The following WDR35 variants were observed in gnomAD, a reference collection of about 807,000 sequenced individuals.
The protein encoded by WDR35 is WD repeat-containing protein 35.
Under a neutral mutation model 158.3 loss-of-function variants are expected in WDR35, and 118 were observed. The observed-to-expected ratio is 0.75, with a 90% confidence interval of 0.64 to 0.87. The LOEUF (loss-of-function observed/expected upper bound fraction) is 0.87. Ranked by LOEUF, WDR35 falls within the 40% of genes least tolerant of loss-of-function variation. The pLI is 0.00. For synonymous variants in WDR35, 448 were observed against 476.1 expected (o/e 0.94, Z 0.77); for missense variants, 1,263 against 1,405.8 (o/e 0.90, Z 1.62).
intron 25 of WDR35, 79 bp from the exon 26 acceptor site, chr2:19,914,356 A>G: frequency 6.3e-7 from 1 of 1,584,566 alleles, no homozygotes; most frequent in Non-Finnish European, 8.6e-7. Context: ...AATCTAAGTT[A>G]AGGTGATTTC....
intron 3 of WDR35, 65 bp downstream of exon 3, chr2:19,982,398 A>C: frequency 6.9e-7 from 1 of 1,446,426 alleles, no homozygotes; most frequent in Non-Finnish European, 9.7e-7. Context: ...TTCTGCATTA[A>C]GTAGAAACTT....
Position 19,978,677 on chromosome 2 carries a change from C to T in WDR35, c.436+74G>A. On this transcript the variant is annotated intron_variant, in intron 5 of 26. Coordinates refer to ENST00000281405, the MANE Select transcript of WDR35 (RefSeq NM_020779.4). ...CAATCAGAATGCTAACATATGGTAA[C>T]TAACTTAAATCTCTAAAGAAGAAAA... 7 of 1,602,736 alleles carry T rather than the reference C, an allele frequency of 4.4e-6. No homozygotes were observed. The South Asian group carries it at 5.5e-5, about 13-fold the overall frequency.
chr2:19,930,611 C>T (rs1453572518), intron 24 of WDR35, 59 bp from the exon 25 acceptor site: 26 of 1,607,826 alleles, frequency 1.6e-5, no homozygotes, highest in Non-Finnish European at 2.0e-5. Context: ...AGTGTCAACT[C>T]CCAAATAACA....
intron 13 of WDR35, 47 bp from the exon 14 acceptor site, chr2:19,948,264 A>G: frequency 6.5e-7 from 1 of 1,528,424 alleles, no homozygotes; most frequent in Admixed American, 1.7e-5. Flanking sequence ...CATTTATTGA[A>G]TAACTAACCT....
intron 25 of WDR35, among the ~76,000 whole-genome samples, chr2:19,925,077 C>T (rs1008748136): frequency 2.0e-5 from 3 of 152,202 alleles, no homozygotes; most frequent in African/African-American, 7.2e-5. Flanking sequence ...GTCTGTTCCC[C>T]GCCACAGCCA....
At chr2:19,957,300 A>T (rs1671477109) in intron 11 of WDR35, among the ~76,000 whole-genome samples, 1 of 152,216 alleles carries the variant, frequency 6.6e-6, no homozygotes, top group African/African-American at 2.4e-5. Flanking sequence ...TATCTGAAAA[A>T]TATGTTCTTT....
Position 19,969,568 on chromosome 2 carries a change from G to C in WDR35, c.920C>G (p.Ser307Cys). ...GTLKVPGKEI[S>C]ALSWEGGGLK... Reference sequence around the variant, plus strand: ...TCCACCTCCTTCCCAAGATAGTGCAGATATTTCCTTTCCAGGAACTTTCAA... The same window carrying C: ...TCCACCTCCTTCCCAAGATAGTGCACATATTTCCTTTCCAGGAACTTTCAA... The change falls in exon 9 of 27, where the codon TCT becomes TGT. Residue 307 changes from serine (S) to cysteine (C), a missense_variant. Transcript: ENST00000281405. 6.2e-7 allele frequency: 1 copy of C among 1,613,882 alleles called. No individual in the cohort carries two copies. The highest frequency in any genetic ancestry group is 8.5e-7 in the Non-Finnish European group (1 of 1,179,946).
At chr2:19,975,795 T>A in intron 5 of WDR35, 132 bp from the exon 6 acceptor site, 1 of 1,226,416 alleles carries the variant, frequency 8.2e-7, no homozygotes, top group Non-Finnish European at 1.2e-6. Context: ...ATTTGGCCAA[T>A]AAATATTTAC....
intron 1 of WDR35, among the ~76,000 whole-genome samples, chr2:19,989,777 G>C (rs1414131312): frequency 6.6e-6 from 1 of 152,230 alleles, no homozygotes; most frequent in Admixed American, 6.5e-5. Context: ...AGGAATGGGA[G>C]AGTGCTGCGA....
intron 2 of WDR35, among the ~76,000 whole-genome samples, chr2:19,982,917 T>C (rs937341281): frequency 2.6e-5 from 4 of 152,358 alleles, no homozygotes; most frequent in Non-Finnish European, 5.9e-5. Context: ...CAGAATCTTA[T>C]ATTCACTCAT....
chr2:19,916,397 C>T (rs1353339612), intron 25 of WDR35, among the ~76,000 whole-genome samples: 1 of 152,218 alleles, frequency 6.6e-6, no homozygotes, highest in Non-Finnish European at 1.5e-5. Flanking sequence ...GAACCATTCA[C>T]TCCCCTGGAA....
rs1014281963 is a variant in WDR35 at position 19,913,622 on chromosome 2, C to T, written c.3449G>A (p.Gly1150Asp). The change falls in exon 27 of 27, where the codon GGT becomes GAT. Residue 1150 changes from glycine (G) to aspartate (D), a missense_variant. Transcript: ENST00000281405. The stretch of plus-strand genomic sequence containing the variant: ...GTGGCTTATTTCCTGAGCAAGGACA[C>T]CGTGTTTGCATACACTGCACATCCA... ...QFWMCSVCKH[G>D]VLAQEISHYS... The T allele has an allele frequency of 3.7e-6, 6 of 1,614,110 alleles. No homozygotes were observed. Among genetic ancestry groups the T allele is most frequent in the Admixed American group, 1.7e-5 (1 of 60,018 alleles).
intron 25 of WDR35, among the ~76,000 whole-genome samples, chr2:19,915,259 C>A (rs1039782442): frequency 6.6e-6 from 1 of 151,952 alleles, no homozygotes; most frequent in African/African-American, 2.4e-5. Context: ...CAATCAGAAT[C>A]CTATAAACTG....
chr2:19,949,830 G>C (rs1671178813), intron 13 of WDR35, among the ~76,000 whole-genome samples: 1 of 152,138 alleles, frequency 6.6e-6, no homozygotes, highest in Non-Finnish European at 1.5e-5. Flanking sequence ...GACGTGGAAA[G>C]CAAGAGAAAA....
chr2:19,951,915 C>T (rs1250435177), intron 12 of WDR35: 2 of 156,856 alleles, frequency 1.3e-5, no homozygotes, highest in African/African-American at 2.4e-5. Flanking sequence ...ATTAATGCAA[C>T]TTCTGCGCTG....
chr2:19,975,570 T>C lies in WDR35; in HGVS notation c.530A>G (p.Asn177Ser), dbSNP rs1672178504. The C allele has an allele frequency of 1.2e-6, 2 of 1,613,880 alleles. No homozygotes were observed. The highest frequency in any genetic ancestry group is 2.7e-5 in the African/African-American group (2 of 74,940). Residue 177 changes from asparagine to serine, a missense_variant, in exon 6 of 27, where the codon AAT becomes AGT. Coordinates refer to ENST00000281405, the MANE Select transcript of WDR35 (RefSeq NM_020779.4). ...ATTATCGTAAATGTGTATTTCCCCATTTGCCATTCCAAAAAGTAAGACTTT... is the reference window on the plus strand; with the variant it reads ...ATTATCGTAAATGTGTATTTCCCCACTTGCCATTCCAAAAAGTAAGACTTT... ...DSKVLLFGMA[N>S]GEIHIYDNQG... is the part of the protein sequence containing the mutation.
rs1572345192 is a variant in WDR35, at chr2:19,955,220, G to T, written c.1256-1242C>A. 2.6e-5 allele frequency among the ~76,000 whole-genome samples: 4 copies of T among 152,220 alleles called. No homozygotes were observed. In the East Asian group the frequency reaches 7.7e-4, roughly 29 times the overall value. ...CCGCCTCAGCCTCCCAAAGTGCTGG[G>T]ATTACAGGCATGAGCCACCCCGCCT... On this transcript the variant is annotated intron_variant, in intron 11 of 26. Transcript: ENST00000281405.
intron 17 of WDR35, 141 bp downstream of exon 17, chr2:19,941,618 G>T: frequency 1.7e-6 from 1 of 590,446 alleles, no homozygotes; most frequent in Non-Finnish European, 3.0e-6. Flanking sequence ...CCACCTAAAG[G>T]CTGAACAATA....
rs57759587 is a variant in WDR35 at position 19,934,024 on chromosome 2, AACCACCACCACCACCACCACCACCACC to A, written c.2548-540_2548-514del. Among the ~76,000 whole-genome samples, 7 of 105,070 alleles carry A rather than the reference AACCACCACCACCACCACCACCACCACC, an allele frequency of 6.7e-5. No individual in the cohort carries two copies. The allele number at this position is 105,070 out of a possible 152,430, so 68.9% of individuals were successfully genotyped here. ...TTGGAAAGTGGTGGCAGCGAGGAAG[AACCACCACCACCACCACCACCACCACC>A]ACCACCACCACCACCACCACCACAA... On this transcript the variant is annotated intron_variant, in intron 21 of 26. Transcript: ENST00000281405. This position sits in a 1 kb window ranked among gnomAD's most constrained non-coding sequence, Gnocchi z 4.6.
Sources: allele counts gnomAD v4.1 joint callset (sites outside exome capture counted in the v4.1 genomes callset), GRCh38; gene constraint gnomAD v4.1.1; non-coding constraint Gnocchi (gnomAD v3.1); transcripts MANE v1.5; gene names NCBI Gene and HGNC (gene_info 2026-07-23, HGNC 2026-07-21).